PARPBP: variants seen among roughly 807,000 people sequenced by gnomAD.
PARPBP encodes PARP1 binding protein.
In PARPBP, 52 loss-of-function variants were observed where a neutral mutation model predicts 50.0. The observed-to-expected ratio is 1.04, with a 90% CI of 0.83 to 1.31. The LOEUF (loss-of-function observed/expected upper bound fraction) is 1.31, where lower values mean the gene tolerates loss of function less well. Ranked by LOEUF, PARPBP falls within the 50% of genes most tolerant of loss-of-function variation. The pLI is 0.00. For synonymous variants in PARPBP, 244 were observed against 232.1 expected (o/e 1.05, Z -0.47); for missense variants, 697 against 672.0 (o/e 1.04, Z -0.41).
chr12:102,157,645 A>C (rs138647213), intron 4 of PARPBP, among the ~76,000 whole-genome samples: 2,014 of 152,312 alleles, frequency 0.013, 24 homozygotes, highest in Non-Finnish European at 0.022. Flanking sequence ...AACTCAGGTT[A>C]TCCTGAATTG....
intron 9 of PARPBP, among the ~76,000 whole-genome samples, chr12:102,189,998 A>G (rs1890650656): frequency 6.6e-6 from 1 of 152,132 alleles, no homozygotes; most frequent in African/African-American, 2.4e-5. Context: ...TGAACAGAGT[A>G]GAGTTTACTC....
intron 2 of PARPBP, among the ~76,000 whole-genome samples, chr12:102,145,531 C>A (rs1341173606): frequency 1.3e-5 from 2 of 151,916 alleles, no homozygotes; most frequent in Non-Finnish European, 2.9e-5. Flanking sequence ...TAAAAAAAAC[C>A]TTCAACTTGT....
chr12:102,152,943 A>G (rs1249688747), intron 3 of PARPBP, among the ~76,000 whole-genome samples: 1 of 151,962 alleles, frequency 6.6e-6, no homozygotes, highest in Non-Finnish European at 1.5e-5. Context: ...CAAAAAAAAA[A>G]AAAAAGGAAA....
At chr12:102,136,588 T>G (rs2137770829) in intron 2 of PARPBP, among the ~76,000 whole-genome samples, 1 of 152,346 alleles carries the variant, frequency 6.6e-6, no homozygotes, top group East Asian at 1.9e-4. Context: ...GCTAATTTTC[T>G]ACTTGCTAAT....
At chr12:102,170,138 T>G (rs1279996667) in intron 6 of PARPBP, among the ~76,000 whole-genome samples, 1 of 152,234 alleles carries the variant, frequency 6.6e-6, no homozygotes, top group East Asian at 1.9e-4. Flanking sequence ...ATAGTGTACT[T>G]TCACCTGAAA....
At chr12:102,137,075 C>T (rs1368351595) in intron 2 of PARPBP, among the ~76,000 whole-genome samples, 1 of 152,136 alleles carries the variant, frequency 6.6e-6, no homozygotes, top group African/African-American at 2.4e-5. Context: ...TTGCCTCAGC[C>T]TCCTGAGTAG....
At position 102,148,219 on chromosome 12, in the gene PARPBP, A is replaced by G; in HGVS notation, c.154-11A>G. The G allele has an allele frequency of 1.8e-6, 2 of 1,112,486 alleles. No individual in the cohort carries two copies. The highest frequency in any genetic ancestry group is 2.7e-5 in the East Asian group (1 of 37,470). The allele number at this position is 1,112,486 out of a possible 1,614,324, so 68.9% of individuals were successfully genotyped here. A position where few individuals can be genotyped will look rare whatever the true frequency, so the allele number is the denominator to read the frequency against. On this transcript the variant is annotated splice_polypyrimidine_tract_variant and intron_variant, in intron 2 of 10. Transcript: ENST00000327680. The stretch of plus-strand genomic sequence containing the variant: ...CTTTATTTTTTTTTTTTTTGGCATT[A>G]TCTTTTTCAGCACAGTGGAGAATTT...
At chr12:102,131,667 G>C (rs748765387) in intron 2 of PARPBP, among the ~76,000 whole-genome samples, 1 of 152,110 alleles carries the variant, frequency 6.6e-6, no homozygotes, top group Non-Finnish European at 1.5e-5. Flanking sequence ...CCGTAAAAAA[G>C]AACGAGATCA....
chr12:102,164,343 AT>A, intron 4 of PARPBP, 94 bp from the exon 5 acceptor site: 1 of 880,416 alleles, frequency 1.1e-6, no homozygotes, highest in Non-Finnish European at 1.8e-6. Context: ...AGGTATTGTG[AT>A]TGAATGATTA....
At chr12:102,167,702 G>A (rs1700627357) in intron 6 of PARPBP, among the ~76,000 whole-genome samples, 1 of 152,084 alleles carries the variant, frequency 6.6e-6, no homozygotes, top group African/African-American at 2.4e-5. Flanking sequence ...TTTGAGATAG[G>A]TCCACGTTGA....
In PARPBP at chr12:102,164,624, A is replaced by G. The variant is rs1343710160; in HGVS notation, c.666+16A>G. 3 of 1,610,188 alleles carry G rather than the reference A, an allele frequency of 1.9e-6. No individual in the cohort carries two copies. The highest frequency in any genetic ancestry group is 1.7e-5 in the Admixed American group (1 of 59,996). ...TATCTTTTTGGTATGGTTGTGTGAC[A>G]TGTTCAAAATTAAGACTCCTTGCAC... On this transcript the variant is annotated intron_variant, in intron 5 of 10. Coordinates refer to ENST00000327680, the MANE Select transcript of PARPBP (RefSeq NM_017915.5).
intron 2 of PARPBP, among the ~76,000 whole-genome samples, chr12:102,128,553 A>G (rs1236967946): frequency 6.6e-6 from 1 of 152,096 alleles, no homozygotes; most frequent in Non-Finnish European, 1.5e-5. Flanking sequence ...TTTTTAACAC[A>G]CCACTTGTAA....
At chr12:102,158,678 G>T (rs1887228648) in intron 4 of PARPBP, among the ~76,000 whole-genome samples, 1 of 151,940 alleles carries the variant, frequency 6.6e-6, no homozygotes, top group African/African-American at 2.4e-5. Context: ...CAAATTGCCT[G>T]ATCTTTTCTC....
chr12:102,156,372 T>G (rs1886941074), intron 4 of PARPBP, among the ~76,000 whole-genome samples: 1 of 151,142 alleles, frequency 6.6e-6, no homozygotes, highest in South Asian at 2.1e-4. Context: ...TTTTGTATTT[T>G]TAGTAGAGAT....
At chr12:102,192,266 T>C (rs964921549) in intron 9 of PARPBP, among the ~76,000 whole-genome samples, 1 of 152,128 alleles carries the variant, frequency 6.6e-6, no homozygotes. Context: ...TCTACATAGA[T>C]TTCTGCAGTT....
At chr12:102,180,827 TA>T (rs1182767911) in intron 8 of PARPBP, among the ~76,000 whole-genome samples, 1 of 152,222 alleles carries the variant, frequency 6.6e-6, no homozygotes, top group Non-Finnish European at 1.5e-5. Flanking sequence ...TGGTCTGTGG[TA>T]AAGTAAATTT....
chr12:102,140,181 G>T (rs1055011556), intron 2 of PARPBP, among the ~76,000 whole-genome samples: 9 of 152,114 alleles, frequency 5.9e-5, no homozygotes, highest in African/African-American at 2.2e-4. Context: ...GGTCTATTCA[G>T]GGATTCAACT....
At chr12:102,142,725 C>G (rs578231468) in intron 2 of PARPBP, among the ~76,000 whole-genome samples, 163 of 152,344 alleles carry the variant, frequency 1.1e-3, no homozygotes, top group African/African-American at 3.7e-3. Context: ...GGAACCTCAG[C>G]TGCAGGTGTG....
chr12:102,133,340 A>T (rs999579750), intron 2 of PARPBP, among the ~76,000 whole-genome samples: 1 of 152,082 alleles, frequency 6.6e-6, no homozygotes, highest in South Asian at 2.1e-4. Context: ...TGTGTTGACA[A>T]TTATTATAAT....
Sources: allele counts gnomAD v4.1 joint callset (sites outside exome capture counted in the v4.1 genomes callset), GRCh38; gene constraint gnomAD v4.1.1; transcripts MANE v1.5; gene names NCBI Gene and HGNC (gene_info 2026-07-23, HGNC 2026-07-21).